The following OXCT1 variants were observed in gnomAD, a reference collection of about 807,000 sequenced individuals.
OXCT1 encodes succinyl-CoA:3-ketoacid coenzyme A transferase 1, mitochondrial.
OXCT1 carries 27 observed loss-of-function variants against 69.6 expected under a neutral mutation model. The ratio of observed to expected loss-of-function variants is 0.39; its 90% CI spans 0.29 to 0.54. OXCT1 has a LOEUF of 0.54. OXCT1 is among the 20% of genes least tolerant of loss of function. OXCT1 has a pLI of 0.72. For missense variants in OXCT1, 437 were observed against 650.2 expected (o/e 0.67, Z 3.57); for synonymous variants, 202 against 217.8 (o/e 0.93, Z 0.64).
intron 13 of OXCT1, among the ~76,000 whole-genome samples, chr5:41,782,447 G>A (rs1182330654): frequency 6.6e-6 from 1 of 151,946 alleles, no homozygotes. Context: ...CTCCTGACCT[G>A]AAGTAATCCG....
At chr5:41,769,245 T>C (rs1744763798) in intron 13 of OXCT1, among the ~76,000 whole-genome samples, 1 of 152,140 alleles carries the variant, frequency 6.6e-6, no homozygotes, top group Non-Finnish European at 1.5e-5. Flanking sequence ...CTCTCCCTTA[T>C]GAGACACCTC....
chr5:41,750,713 G>A (rs1361469684), intron 14 of OXCT1, among the ~76,000 whole-genome samples: 1 of 152,076 alleles, frequency 6.6e-6, no homozygotes, highest in African/African-American at 2.4e-5. Flanking sequence ...TATGGGCAGA[G>A]GCTATGAATT....
At chr5:41,840,327 C>T in intron 7 of OXCT1, 124 bp downstream of exon 7, 2 of 787,386 alleles carry the variant, frequency 2.5e-6, no homozygotes, top group East Asian at 2.5e-5. Context: ...GATCCATTTC[C>T]AAAACAAAAA....
At chr5:41,772,598 A>C (rs1157176566) in intron 13 of OXCT1, among the ~76,000 whole-genome samples, 1 of 152,242 alleles carries the variant, frequency 6.6e-6, no homozygotes, top group Non-Finnish European at 1.5e-5. Context: ...TTTTGATTCT[A>C]CATTAAATTA....
At chr5:41,802,767 C>T (rs879555047) in intron 10 of OXCT1, among the ~76,000 whole-genome samples, 5 of 152,056 alleles carry the variant, frequency 3.3e-5, no homozygotes, top group East Asian at 3.9e-4. Flanking sequence ...GAGTCAGGAA[C>T]GTACCATCTA....
chr5:41,757,144 A>T (rs1439648654), intron 14 of OXCT1, among the ~76,000 whole-genome samples: 1 of 152,072 alleles, frequency 6.6e-6, no homozygotes, highest in East Asian at 1.9e-4. Context: ...TGGCGAAAAA[A>T]ATCACTCTGG....
At chr5:41,821,121 G>T (rs1747526101) in intron 7 of OXCT1, among the ~76,000 whole-genome samples, 2 of 152,170 alleles carry the variant, frequency 1.3e-5, no homozygotes, top group African/African-American at 4.8e-5. Context: ...TCTGAAAGTA[G>T]CAATTTGTAG....
At chr5:41,859,883 A>ATATATATATATATATATC in intron 3 of OXCT1, among the ~76,000 whole-genome samples, 1 of 118,214 alleles carries the variant, frequency 8.5e-6, no homozygotes, top group Non-Finnish European at 1.9e-5. Flanking sequence ...ATATATATAT[A>ATATATATATATATATATC]TATGTAATAT....
intron 14 of OXCT1, among the ~76,000 whole-genome samples, chr5:41,750,963 C>T (rs1743751376): frequency 6.6e-6 from 1 of 152,116 alleles, no homozygotes; most frequent in Non-Finnish European, 1.5e-5. Context: ...GTGCTAAATA[C>T]ATATGAAGTA....
At chr5:41,787,839 A>G (rs954945867) in intron 13 of OXCT1, among the ~76,000 whole-genome samples, 1 of 152,040 alleles carries the variant, frequency 6.6e-6, no homozygotes, top group Non-Finnish European at 1.5e-5. Context: ...TTAAAAGCAA[A>G]TATTGAAAAA....
chr5:41,869,845 G>T (rs1225750805), intron 1 of OXCT1, among the ~76,000 whole-genome samples: 1 of 152,120 alleles, frequency 6.6e-6, no homozygotes, highest in Non-Finnish European at 1.5e-5. Context: ...TCTGCCCAGA[G>T]ATCCAACATC....
At chr5:41,777,142 G>A (rs954508884) in intron 13 of OXCT1, among the ~76,000 whole-genome samples, 2 of 152,196 alleles carry the variant, frequency 1.3e-5, no homozygotes, top group Admixed American at 6.5e-5. Context: ...AAGGGGCCGG[G>A]TGCGGTGGCT....
chr5:41,863,535 A>C (rs939325812), intron 1 of OXCT1, among the ~76,000 whole-genome samples: 2 of 152,192 alleles, frequency 1.3e-5, no homozygotes, highest in Non-Finnish European at 2.9e-5. Flanking sequence ...CTGGCGCTTT[A>C]AGTGACTCAT....
At chr5:41,767,067 C>T (rs746877627) in intron 13 of OXCT1, among the ~76,000 whole-genome samples, 2 of 152,054 alleles carry the variant, frequency 1.3e-5, no homozygotes, top group Non-Finnish European at 2.9e-5. Context: ...TCTAAGCATG[C>T]TCCTAGCTAA....
At chr5:41,863,958 C>T (rs1164967835) in intron 1 of OXCT1, among the ~76,000 whole-genome samples, 2 of 152,162 alleles carry the variant, frequency 1.3e-5, no homozygotes. Context: ...CCTTACAAAA[C>T]AACTCATCCT....
chr5:41,817,491 C>T (rs571150850), intron 7 of OXCT1, among the ~76,000 whole-genome samples: 1 of 152,254 alleles, frequency 6.6e-6, no homozygotes, highest in African/African-American at 2.4e-5. Flanking sequence ...TGTGTAGTAT[C>T]TTTCTAATTA....
chr5:41,751,761 A>G (rs1385311149), intron 14 of OXCT1, among the ~76,000 whole-genome samples: 1 of 152,098 alleles, frequency 6.6e-6, no homozygotes, highest in Non-Finnish European at 1.5e-5. Context: ...AATTCCTGAG[A>G]CACATAAAAC....
chr5:41,754,069 G>T (rs901719489), intron 14 of OXCT1, among the ~76,000 whole-genome samples: 3 of 151,980 alleles, frequency 2.0e-5, no homozygotes, highest in African/African-American at 7.2e-5. Flanking sequence ...GAGAAACAGT[G>T]AATTATAGTT....
At chr5:41,850,974 C>T (rs947372763) in intron 4 of OXCT1, among the ~76,000 whole-genome samples, 2 of 152,136 alleles carry the variant, frequency 1.3e-5, no homozygotes, top group Non-Finnish European at 2.9e-5. Context: ...CTTGTTACAA[C>T]AGTCTTACTA....
Sources: allele counts gnomAD v4.1 joint callset (sites outside exome capture counted in the v4.1 genomes callset), GRCh38; gene constraint gnomAD v4.1.1; transcripts MANE v1.5; gene names NCBI Gene and HGNC (gene_info 2026-07-23, HGNC 2026-07-21).